The following SNTG1 variants were observed in gnomAD, a reference collection of about 807,000 sequenced individuals.
The protein encoded by SNTG1 is gamma-1-syntrophin.
Under a neutral mutation model 74.7 loss-of-function variants are expected in SNTG1, and 39 were observed. The observed-to-expected ratio is 0.52, with a 90% CI of 0.40 to 0.68. SNTG1 has a LOEUF of 0.68. Among genes scored for constraint, SNTG1 ranks in the 30% least tolerant of loss-of-function variants. The pLI, the probability that SNTG1 is intolerant of heterozygous loss-of-function variation, is 0.00. For missense variants in SNTG1, 685 were observed against 609.5 expected, an observed-to-expected ratio of 1.12 and a Z score of -1.30; for synonymous variants, 254 against 217.1, an observed-to-expected ratio of 1.17 and a Z score of -1.49.
intron 17 of SNTG1, among the ~76,000 whole-genome samples, chr8:50,746,142 A>G (rs1301365874): frequency 2.0e-5 from 3 of 152,040 alleles, no homozygotes; most frequent in African/African-American, 7.2e-5. Flanking sequence ...TAGATAATGT[A>G]AAAATACATG....
intron 11 of SNTG1, among the ~76,000 whole-genome samples, chr8:50,549,727 T>C (rs901699522): frequency 6.6e-6 from 1 of 152,128 alleles, no homozygotes; most frequent in East Asian, 1.9e-4. Flanking sequence ...TTTCTTTGGA[T>C]ATACTATGTT....
intron 1 of SNTG1, among the ~76,000 whole-genome samples, chr8:49,975,350 C>T (rs559327221): frequency 2.6e-4 from 39 of 152,072 alleles, no homozygotes; most frequent in African/African-American, 8.7e-4. Context: ...TAAGAATACC[C>T]GATTATCTTT....
At chr8:50,331,416 G>GC (rs770428450) in intron 2 of SNTG1, among the ~76,000 whole-genome samples, 6 of 152,160 alleles carry the variant, frequency 3.9e-5, no homozygotes, top group Non-Finnish European at 7.3e-5. Context: ...TAGAGAAACA[G>GC]CCCTGAGTGA....
chr8:50,405,287 G>C (rs1389022813), intron 4 of SNTG1, among the ~76,000 whole-genome samples: 2 of 152,040 alleles, frequency 1.3e-5, no homozygotes, highest in Non-Finnish European at 2.9e-5. Flanking sequence ...AGGGTTCCAA[G>C]TTCTCCACAT....
chr8:50,060,866 G>A (rs1045031055), intron 1 of SNTG1, among the ~76,000 whole-genome samples: 8 of 151,852 alleles, frequency 5.3e-5, no homozygotes, highest in South Asian at 2.1e-4. Flanking sequence ...TACATTGATC[G>A]ATTTTTGCAT....
intron 2 of SNTG1, among the ~76,000 whole-genome samples, chr8:50,388,432 T>A (rs1378537915): frequency 1.3e-5 from 2 of 152,164 alleles, no homozygotes; most frequent in Non-Finnish European, 2.9e-5. Context: ...ATAGAGTCTT[T>A]ACTGCCTTTA....
chr8:50,643,200 A>AT (rs778172684), intron 13 of SNTG1, among the ~76,000 whole-genome samples: 10 of 152,176 alleles, frequency 6.6e-5, no homozygotes, highest in Non-Finnish European at 4.4e-5. Flanking sequence ...TAGCCATCGT[A>AT]TTTCCTTTTA....
At chr8:50,765,054 A>T (rs1037821849) in intron 18 of SNTG1, among the ~76,000 whole-genome samples, 18 of 152,028 alleles carry the variant, frequency 1.2e-4, no homozygotes, top group African/African-American at 3.4e-4. Context: ...TGTAGAATCA[A>T]AACCATGGAA....
chr8:50,440,381 A>G (rs1446801396), intron 5 of SNTG1, among the ~76,000 whole-genome samples: 3 of 151,742 alleles, frequency 2.0e-5, no homozygotes, highest in East Asian at 3.9e-4. Flanking sequence ...ACTATCTTTT[A>G]TTGTGATTAT....
intron 2 of SNTG1, among the ~76,000 whole-genome samples, chr8:50,250,755 C>T (rs1204248090): frequency 5.9e-5 from 9 of 152,068 alleles, no homozygotes; most frequent in East Asian, 1.9e-4. Context: ...TCCAGCAAAG[C>T]TATTCTTCAG....
chr8:50,016,035 T>A (rs1193024135), intron 1 of SNTG1, among the ~76,000 whole-genome samples: 1 of 152,074 alleles, frequency 6.6e-6, no homozygotes, highest in East Asian at 1.9e-4. Context: ...TTTCAGTGCA[T>A]CACATTGATT....
At chr8:50,724,253 G>A (rs2095494695) in intron 17 of SNTG1, among the ~76,000 whole-genome samples, 1 of 152,106 alleles carries the variant, frequency 6.6e-6, no homozygotes, top group South Asian at 2.1e-4. Context: ...CACAAACAAA[G>A]CAACAGAGGT....
intron 1 of SNTG1, among the ~76,000 whole-genome samples, chr8:50,147,799 G>C (rs922477605): frequency 1.3e-5 from 2 of 152,120 alleles, no homozygotes; most frequent in African/African-American, 4.8e-5. Flanking sequence ...CACATGCATG[G>C]GATCTAGAAG....
intron 1 of SNTG1, among the ~76,000 whole-genome samples, chr8:50,071,141 C>G (rs1821327051): frequency 6.6e-6 from 1 of 152,110 alleles, no homozygotes; most frequent in East Asian, 1.9e-4. Context: ...ATCCCAACTC[C>G]TAAGGGAAGA....
chr8:50,260,476 G>C (rs1201768191), intron 2 of SNTG1, among the ~76,000 whole-genome samples: 2 of 151,524 alleles, frequency 1.3e-5, no homozygotes, highest in Admixed American at 1.3e-4. Context: ...GTTGAATGCA[G>C]GTTTTTTCAC....
intron 1 of SNTG1, among the ~76,000 whole-genome samples, chr8:50,062,336 G>A (rs10109636): frequency 0.013 from 1,996 of 152,122 alleles, 48 homozygotes; most frequent in African/African-American, 0.044. Flanking sequence ...CATGAGCCAT[G>A]GCGCCAGACC....
intron 18 of SNTG1, among the ~76,000 whole-genome samples, chr8:50,760,905 C>T (rs975722378): frequency 6.6e-6 from 1 of 151,864 alleles, no homozygotes; most frequent in African/African-American, 2.4e-5. Flanking sequence ...AAAAAAAGTC[C>T]AGGACCAGAC....
intron 18 of SNTG1, among the ~76,000 whole-genome samples, chr8:50,775,299 ACAGTCAAAG>A (rs1241008282): frequency 1.3e-5 from 2 of 151,610 alleles, no homozygotes; most frequent in Admixed American, 1.3e-4. Flanking sequence ...TGACAGTGAA[ACAGTCAAAG>A]CAGAACACCT....
intron 17 of SNTG1, among the ~76,000 whole-genome samples, chr8:50,729,506 A>T (rs994060758): frequency 3.3e-5 from 5 of 152,104 alleles, no homozygotes; most frequent in Non-Finnish European, 7.3e-5. Flanking sequence ...GAGTTTGGCA[A>T]ATTAAGTTAA....
Sources: allele counts gnomAD v4.1 joint callset (sites outside exome capture counted in the v4.1 genomes callset), GRCh38; gene constraint gnomAD v4.1.1; transcripts MANE v1.5; gene names NCBI Gene and HGNC (gene_info 2026-07-23, HGNC 2026-07-21).